NUBPL: variants seen among roughly 807,000 people sequenced by gnomAD.
The protein encoded by NUBPL is iron-sulfur cluster transfer protein NUBPL.
A neutral mutation model predicts 45.7 loss-of-function variants in NUBPL; 31 were observed. The ratio of observed to expected loss-of-function variants is 0.68; its 90% CI spans 0.51 to 0.92. NUBPL has a LOEUF of 0.92. Among genes scored for constraint, NUBPL ranks in the 40% least tolerant of loss-of-function variants. The pLI, the probability that NUBPL is intolerant of heterozygous loss-of-function variation, is 0.00. For missense variants in NUBPL, 401 were observed against 398.7 expected (o/e 1.01, Z -0.05); for synonymous variants, 144 against 140.9 (o/e 1.02, Z -0.15).
chr14:31,763,117 A>C (rs187296726), intron 6 of NUBPL, among the ~76,000 whole-genome samples: 44 of 152,284 alleles, frequency 2.9e-4, no homozygotes, highest in African/African-American at 1.1e-3. Flanking sequence ...TGGAAGAGGA[A>C]CAGTGGGGAT....
rs185515444 is a variant in NUBPL at position 31,792,340 on chromosome 14, T to C, written c.607+4467T>C. On this transcript the variant is annotated intron_variant, in intron 7 of 10. Coordinates refer to ENST00000281081, the MANE Select transcript of NUBPL (RefSeq NM_025152.3). Reference sequence around the variant, plus strand: ...GTGCTTACTACATTCAGTAATTTTTTTGAGTCCTGAAAGACTACTTTGGGC... The same window carrying C: ...GTGCTTACTACATTCAGTAATTTTTCTGAGTCCTGAAAGACTACTTTGGGC... 8.0e-4 allele frequency among the ~76,000 whole-genome samples: 122 copies of C among 152,330 alleles called. No homozygotes were observed. The Middle Eastern group carries it at 0.014, about 17-fold the overall frequency.
chr14:31,656,912 A>G (rs2036154452), intron 4 of NUBPL, among the ~76,000 whole-genome samples: 1 of 152,244 alleles, frequency 6.6e-6, no homozygotes, highest in East Asian at 1.9e-4. Context: ...AAGCAAAATA[A>G]AACAAAAGTA....
intron 2 of NUBPL, 112 bp downstream of exon 2, chr14:31,562,327 CAT>C (rs759803610): frequency 3.9e-5 from 40 of 1,026,972 alleles, no homozygotes; most frequent in East Asian, 1.8e-4. Flanking sequence ...AAGTTCCTAA[CAT>C]GTGATTCCTT....
chr14:31,696,911 T>C (rs79000321), intron 6 of NUBPL, among the ~76,000 whole-genome samples: 3,501 of 152,208 alleles, frequency 0.023, 62 homozygotes, highest in Non-Finnish European at 0.035. Flanking sequence ...AAAAACGGAG[T>C]GTCTTGTCTA....
chr14:31,611,081 G>A (rs914038831), intron 4 of NUBPL, among the ~76,000 whole-genome samples: 2 of 152,118 alleles, frequency 1.3e-5, no homozygotes, highest in Non-Finnish European at 2.9e-5. Context: ...CATAGCTAGA[G>A]CAATCAGACA....
At chr14:31,764,056 T>TATAGAAC in intron 6 of NUBPL, among the ~76,000 whole-genome samples, 1 of 152,298 alleles carries the variant, frequency 6.6e-6, no homozygotes, top group East Asian at 1.9e-4. Context: ...TTAGTTTTGA[T>TATAGAAC]ATAGAACACA....
Position 31,850,104 on chromosome 14 carries a change from G to A in NUBPL, c.815-15G>A, listed in dbSNP as rs1404577654. The A allele has an allele frequency of 2.5e-6, 4 of 1,602,402 alleles. No individual in the cohort carries two copies. Among genetic ancestry groups the A allele is most frequent in the Admixed American group, 1.7e-5 (1 of 59,970 alleles). On this transcript the variant is annotated splice_polypyrimidine_tract_variant and intron_variant, in intron 9 of 10. Coordinates refer to ENST00000281081, the MANE Select transcript of NUBPL (RefSeq NM_025152.3). ...ACTTTTCTGGTTCTAATGGATGTCT[G>A]CTGGGCTCTTTTAGGAGACATTCCC...
chr14:31,708,805 G>T (rs1467147281), intron 6 of NUBPL, among the ~76,000 whole-genome samples: 1 of 152,128 alleles, frequency 6.6e-6, no homozygotes, highest in Non-Finnish European at 1.5e-5. Context: ...TCTGGTTGGG[G>T]GCCTCTGACC....
chr14:31,754,759 A>C (rs2038617461), intron 6 of NUBPL, among the ~76,000 whole-genome samples: 1 of 151,088 alleles, frequency 6.6e-6, no homozygotes, highest in Non-Finnish European at 1.5e-5. Flanking sequence ...CAGGTTAGTT[A>C]CATATGTATA....
chr14:31,605,750 T>C (rs953063209), intron 4 of NUBPL, among the ~76,000 whole-genome samples: 3 of 151,466 alleles, frequency 2.0e-5, no homozygotes, highest in Non-Finnish European at 4.4e-5. Flanking sequence ...TCTTCTTCCT[T>C]CCTTCCTCCT....
intron 4 of NUBPL, among the ~76,000 whole-genome samples, 166 bp downstream of exon 4, chr14:31,599,545 AT>A (rs1408957977): frequency 6.6e-6 from 1 of 152,234 alleles, no homozygotes; most frequent in Non-Finnish European, 1.5e-5. Context: ...GTGAATAGAT[AT>A]GTTAATTGAT....
chr14:31,614,061 G>A lies in NUBPL; in HGVS notation c.382+14682G>A, dbSNP rs149198338. Among the ~76,000 whole-genome samples, 324 of 152,066 alleles carry A rather than the reference G, an allele frequency of 2.1e-3. 2 individuals are homozygous for A. Among genetic ancestry groups the A allele is most frequent in the African/African-American group, 7.2e-3 (300 of 41,512 alleles). ...TAGTATCAAAGTCCAGAACTGAAAC[G>A]TTGACTTCTTTATGGATGGGGCTTA... is the stretch of plus-strand genomic sequence containing the variant. On this transcript the variant is annotated intron_variant, in intron 4 of 10. Transcript: ENST00000281081.
At chr14:31,741,107 T>C (rs2038274059) in intron 6 of NUBPL, among the ~76,000 whole-genome samples, 1 of 152,252 alleles carries the variant, frequency 6.6e-6, no homozygotes, top group South Asian at 2.1e-4. Context: ...CATGTCAGTG[T>C]CTGGTTCTGA....
At chr14:31,627,383 C>T (rs186864280) in intron 4 of NUBPL, among the ~76,000 whole-genome samples, 4 of 151,884 alleles carry the variant, frequency 2.6e-5, no homozygotes, top group Non-Finnish European at 5.9e-5. Context: ...CAATGCATTT[C>T]GGCTTACTCT....
chr14:31,605,705 TTTC>T (rs2034567179), intron 4 of NUBPL, among the ~76,000 whole-genome samples: 2 of 152,156 alleles, frequency 1.3e-5, no homozygotes, highest in South Asian at 4.2e-4. Context: ...CTTCTGCTTC[TTTC>T]TTCTTTCTTC....
chr14:31,771,261 T>C (rs528746461), intron 6 of NUBPL, among the ~76,000 whole-genome samples: 1 of 152,232 alleles, frequency 6.6e-6, no homozygotes, highest in East Asian at 1.9e-4. Context: ...CAAAGGATCA[T>C]GTAAGGAAAG....
intron 4 of NUBPL, among the ~76,000 whole-genome samples, chr14:31,665,365 T>C (rs1183914197): frequency 6.6e-6 from 1 of 152,240 alleles, no homozygotes; most frequent in East Asian, 1.9e-4. Context: ...CATTTAGTGC[T>C]ATAAATTTCC....
intron 6 of NUBPL, among the ~76,000 whole-genome samples, chr14:31,680,047 T>C (rs1210296597): frequency 1.3e-5 from 2 of 152,206 alleles, no homozygotes; most frequent in African/African-American, 4.8e-5. Flanking sequence ...TTGTTGCTAG[T>C]GTACAGAAAC....
chr14:31,701,107 G>A (rs2037326945), intron 6 of NUBPL, among the ~76,000 whole-genome samples: 2 of 149,034 alleles, frequency 1.3e-5, no homozygotes, highest in Admixed American at 6.8e-5. Context: ...GTTTGTGGAT[G>A]CACCAGTCAG....
Sources: gnomAD v4.1 joint callset for allele counts (sites outside exome capture counted in the v4.1 genomes callset) on GRCh38, gnomAD v4.1.1 for gene constraint, MANE v1.5 for transcripts, NCBI Gene and HGNC (gene_info 2026-07-23, HGNC 2026-07-21) for gene names.